The following GPM6A variants were observed in gnomAD, a reference collection of about 807,000 sequenced individuals.
The protein encoded by GPM6A is glycoprotein M6A.
In GPM6A, 7 loss-of-function variants were observed where a neutral mutation model predicts 32.1. That is an observed-to-expected ratio of 0.22 (90% CI 0.12 to 0.41). The LOEUF (loss-of-function observed/expected upper bound fraction) is 0.41. Among genes scored for constraint, GPM6A ranks in the 10% least tolerant of loss-of-function variants. The pLI is 1.00. For missense variants in GPM6A, 235 were observed against 347.2 expected (o/e 0.68, Z 2.57); for synonymous variants, 130 against 123.4 (o/e 1.05, Z -0.35).
At position 175,720,957 on chromosome 4, in the gene GPM6A, C is replaced by T. The variant is rs368192250; in HGVS notation, c.38-19190G>A. ...TAGAGAAAGTAATATCAGAACTGTG[C>T]TGTTTCTGTTTCATGGGTATTTTTC... On this transcript the variant is annotated intron_variant, in intron 1 of 6. Coordinates refer to ENST00000393658, the MANE Select transcript of GPM6A (RefSeq NM_201591.3). Among the ~76,000 whole-genome samples the T allele has an allele frequency of 2.5e-3, 371 of 150,246 alleles. 5 individuals are homozygous for T. Among genetic ancestry groups the T allele is most frequent in the African/African-American group, 8.7e-3 (357 of 41,042 alleles).
intron 1 of GPM6A, among the ~76,000 whole-genome samples, chr4:175,739,805 G>GA (rs1188766845): frequency 6.6e-6 from 1 of 151,884 alleles, no homozygotes; most frequent in Non-Finnish European, 1.5e-5. Flanking sequence ...ATTTTCTTCT[G>GA]AAAAATGCTA....
intron 1 of GPM6A, among the ~76,000 whole-genome samples, chr4:175,936,065 G>A (rs2126326038): frequency 6.6e-6 from 1 of 151,492 alleles, no homozygotes; most frequent in Admixed American, 6.6e-5. Context: ...CAGCACTTTG[G>A]GAGGCCGAGG....
chr4:175,637,311 TAATATAA>T (rs1415018943), intron 6 of GPM6A, among the ~76,000 whole-genome samples: 799 of 20,546 alleles, frequency 0.039, 96 homozygotes, highest in East Asian at 0.33. Flanking sequence ...ATATTATATA[TAATATAA>T]AATATATATT....
intron 1 of GPM6A, among the ~76,000 whole-genome samples, chr4:175,724,821 T>A (rs895659843): frequency 6.6e-6 from 1 of 152,086 alleles, no homozygotes; most frequent in African/African-American, 2.4e-5. Flanking sequence ...TACAACAGAT[T>A]GCCAAGACCG....
At chr4:175,850,666 C>G (rs1736225893) in intron 1 of GPM6A, among the ~76,000 whole-genome samples, 1 of 151,810 alleles carries the variant, frequency 6.6e-6, no homozygotes, top group Admixed American at 6.6e-5. Flanking sequence ...ACCCCAATAT[C>G]TGTTTATCTG....
intron 2 of GPM6A, among the ~76,000 whole-genome samples, chr4:175,690,443 G>A (rs79372554): frequency 0.047 from 7,187 of 152,220 alleles, 204 homozygotes; most frequent in Non-Finnish European, 0.063. Flanking sequence ...TAAAAAAGAC[G>A]CATTCTTATG....
chr4:175,660,589 G>T (rs1242041888), intron 3 of GPM6A, among the ~76,000 whole-genome samples: 6 of 151,974 alleles, frequency 3.9e-5, no homozygotes, highest in Non-Finnish European at 8.8e-5. Context: ...CAAAAATATT[G>T]CTGGAAAAAG....
chr4:175,702,994 T>C (rs191419459), intron 1 of GPM6A, among the ~76,000 whole-genome samples: 225 of 152,314 alleles, frequency 1.5e-3, no homozygotes, highest in African/African-American at 5.0e-3. Flanking sequence ...AATCCCTGTG[T>C]GGTTTTTGCC....
intron 1 of GPM6A, among the ~76,000 whole-genome samples, chr4:175,822,851 C>T (rs544042711): frequency 2.0e-5 from 3 of 152,162 alleles, no homozygotes; most frequent in African/African-American, 4.8e-5. Flanking sequence ...TGGCAGGCCC[C>T]GGTGTGTGAT....
At chr4:175,676,560 A>G (rs1323070750) in intron 2 of GPM6A, among the ~76,000 whole-genome samples, 1 of 152,172 alleles carries the variant, frequency 6.6e-6, no homozygotes, top group Non-Finnish European at 1.5e-5. Flanking sequence ...CAGCCTGGTC[A>G]ACATAGAGAC....
At chr4:175,647,230 A>G (rs1465446888) in intron 4 of GPM6A, among the ~76,000 whole-genome samples, 1 of 152,222 alleles carries the variant, frequency 6.6e-6, no homozygotes, top group East Asian at 1.9e-4. Flanking sequence ...AAGTTTTATC[A>G]AGTCTTCAGG....
At chr4:175,982,749 A>G (rs1740854972) in intron 1 of GPM6A, among the ~76,000 whole-genome samples, 1 of 152,000 alleles carries the variant, frequency 6.6e-6, no homozygotes, top group Non-Finnish European at 1.5e-5. Context: ...TTCCATATGA[A>G]TTTGAGAATC....
At chr4:175,975,416 T>C (rs1740629246) in intron 1 of GPM6A, among the ~76,000 whole-genome samples, 1 of 152,198 alleles carries the variant, frequency 6.6e-6, no homozygotes, top group South Asian at 2.1e-4. Flanking sequence ...CCTGTAAACA[T>C]CTGTGATATA....
intron 1 of GPM6A, among the ~76,000 whole-genome samples, chr4:175,732,486 G>A (rs1731476062): frequency 6.6e-6 from 1 of 152,044 alleles, no homozygotes; most frequent in Admixed American, 6.6e-5. Context: ...TATACATCAT[G>A]TTTGTCATTA....
At chr4:175,734,795 C>T (rs60803285) in intron 1 of GPM6A, among the ~76,000 whole-genome samples, 1 of 152,088 alleles carries the variant, frequency 6.6e-6, no homozygotes, top group Admixed American at 6.5e-5. Context: ...ATCGCTTGAA[C>T]CTGGGAAGTG....
intron 1 of GPM6A, among the ~76,000 whole-genome samples, chr4:175,794,816 G>A (rs1465805066): frequency 7.9e-5 from 11 of 138,482 alleles, no homozygotes; most frequent in African/African-American, 3.0e-4. Flanking sequence ...TGGGTAGTAG[G>A]CCTAGAAACT....
chr4:175,947,461 A>G (rs987668983), intron 1 of GPM6A, among the ~76,000 whole-genome samples: 1 of 152,066 alleles, frequency 6.6e-6, no homozygotes, highest in Non-Finnish European at 1.5e-5. Context: ...AATAATATTT[A>G]TTAAGTGTAA....
At chr4:175,812,917 A>G, upstream of GPM6A, 1 of 985,254 alleles carries the variant, frequency 1.0e-6, no homozygotes. Flanking sequence ...CTCAGGGTTT[A>G]TCTGCAAAAG....
intron 1 of GPM6A, among the ~76,000 whole-genome samples, chr4:175,822,203 G>C (rs1735297338): frequency 6.6e-6 from 1 of 152,030 alleles, no homozygotes; most frequent in Non-Finnish European, 1.5e-5. Context: ...TGCATTTGTA[G>C]ATTTTCTGAT....
Sources: gnomAD v4.1 joint callset for allele counts (sites outside exome capture counted in the v4.1 genomes callset) on GRCh38, gnomAD v4.1.1 for gene constraint, MANE v1.5 for transcripts, NCBI Gene and HGNC (gene_info 2026-07-23, HGNC 2026-07-21) for gene names.